DDHD2: variants seen among roughly 807,000 people sequenced by gnomAD.
DDHD2 encodes the protein triacylglycerol hydrolase DDHD2.
A neutral mutation model predicts 91.2 loss-of-function variants in DDHD2; 62 were observed. The observed-to-expected ratio is 0.68, with a 90% CI of 0.55 to 0.84. DDHD2 has a LOEUF of 0.84. Among genes scored for constraint, DDHD2 ranks in the 40% least tolerant of loss-of-function variants. The pLI is 0.00. For missense variants in DDHD2, 740 were observed against 846.9 expected (o/e 0.87, Z 1.57); for synonymous variants, 271 against 293.9 (o/e 0.92, Z 0.80).
intron 1 of DDHD2, chr8:38,267,900 CCTA>C: frequency 6.2e-7 from 1 of 1,613,992 alleles, no homozygotes; most frequent in South Asian, 1.1e-5. Context: ...CACTTACCTC[CCTA>C]CGATCAGTTT....
intron 5 of DDHD2, among the ~76,000 whole-genome samples, chr8:38,239,826 A>G (rs764345634): frequency 8.0e-5 from 12 of 150,628 alleles, no homozygotes; most frequent in Admixed American, 1.3e-4. Flanking sequence ...CCAGGGTTCA[A>G]GTGATTCTTC....
At chr8:38,247,885 G>C (rs781102070) in intron 10 of DDHD2, 50 bp downstream of exon 10, 1 of 1,418,308 alleles carries the variant, frequency 7.1e-7, no homozygotes, top group Non-Finnish European at 9.4e-7. Context: ...CAGTATTTTT[G>C]TTTATCGTGT....
At chr8:38,235,392 C>A (rs112503481) in intron 3 of DDHD2, among the ~76,000 whole-genome samples, 1 of 151,532 alleles carries the variant, frequency 6.6e-6, no homozygotes. Flanking sequence ...TTTTAAAATA[C>A]GATGGAAATG....
rs1563319308 is a variant in DDHD2, at chr8:38,261,343, G to A, written c.*770G>A. 1 of 152,144 alleles carries A rather than the reference G, an allele frequency of 6.6e-6. No homozygotes were observed. 9.4% of individuals were successfully genotyped at this position (152,144 alleles called of 1,614,324 possible). On this transcript the variant is annotated 3_prime_UTR_variant, in exon 18 of 18. Transcript: ENST00000397166. ...GGCCTCCCTTTTATATTTGATAGAA[G>A]TTATTTGCTAATAGCTTCTATTCTT...
At chr8:38,258,080 C>A (rs1806673834) in intron 16 of DDHD2, among the ~76,000 whole-genome samples, 1 of 152,130 alleles carries the variant, frequency 6.6e-6, no homozygotes, top group Non-Finnish European at 1.5e-5. Flanking sequence ...AAGCAATCCT[C>A]TTGCCTTGGC....
chr8:38,248,366 ATTTG>A (rs1805816832), intron 10 of DDHD2, among the ~76,000 whole-genome samples: 1 of 124,366 alleles, frequency 8.0e-6, no homozygotes, highest in Non-Finnish European at 1.7e-5. Flanking sequence ...CAGCCAGCTG[ATTTG>A]TTTTTTTTTT....
At position 38,255,330 on chromosome 8, in the gene DDHD2, G is replaced by A. The variant is rs377148258; in HGVS notation, c.2054+1612G>A. Reference sequence around the variant, plus strand: ...TACAGTAGAGGCCAAAAGCAATCTTGTAAGGGGCTAAAATAATGCTAAGAA... The same window carrying A: ...TACAGTAGAGGCCAAAAGCAATCTTATAAGGGGCTAAAATAATGCTAAGAA... On this transcript the variant is annotated intron_variant, in intron 16 of 17. Coordinates refer to ENST00000397166, the MANE Select transcript of DDHD2 (RefSeq NM_015214.3). 1.5e-4 allele frequency: 75 copies of A among 510,440 alleles called. 2 individuals are homozygous for A. The highest frequency in any genetic ancestry group is 1.3e-3 in the African/African-American group (69 of 51,488). 31.6% of individuals were successfully genotyped at this position (510,440 alleles called of 1,614,324 possible). A position where few individuals can be genotyped will look rare whatever the true frequency, so the allele number is the denominator to read the frequency against.
In DDHD2 at chr8:38,247,802, CTT is replaced by C; in HGVS notation, c.1217_1218del (p.Phe406Ter). 3 of 1,582,290 alleles carry C rather than the reference CTT, an allele frequency of 1.9e-6. No homozygotes were observed. Among genetic ancestry groups the C allele is most frequent in the Non-Finnish European group, 2.6e-6 (3 of 1,166,790 alleles). On this transcript the variant is annotated frameshift_variant, in exon 10 of 18. Coordinates refer to ENST00000397166, the MANE Select transcript of DDHD2 (RefSeq NM_015214.3). LOFTEE classifies it high-confidence loss of function. ...TTCAGCTCTCTGAATTCTTTGATAT[CTT>C]TGAGAAGGAGAAAGTAGATAAGGAA... ...KLQLSEFFDI[F>X]EKEKVDKEAL...
intron 16 of DDHD2, among the ~76,000 whole-genome samples, chr8:38,257,227 C>T (rs1373918343): frequency 9.6e-5 from 13 of 135,608 alleles, no homozygotes; most frequent in African/African-American, 3.3e-4. Context: ...GCCACCATAT[C>T]TGGCCAACAA....
chr8:38,268,877 C>T (rs763388653), intron 1 of DDHD2: 8 of 1,549,362 alleles, frequency 5.2e-6, no homozygotes, highest in Non-Finnish European at 6.9e-6. Context: ...TCTTTCTCCA[C>T]GCACAAACAT....
At chr8:38,232,920 T>G (rs1479209583) in intron 1 of DDHD2, 67 bp from the exon 2 acceptor site, 5 of 1,039,212 alleles carry the variant, frequency 4.8e-6, no homozygotes, top group East Asian at 2.5e-5. Context: ...ATTAGTTTTG[T>G]GCGTGTGTGT....
rs1805098436 is a variant in DDHD2, at chr8:38,239,740, G to GGTTTTTTTTTTGTTT, written c.623-534_623-533insTTTTTTTTTTGTTTG. On this transcript the variant is annotated intron_variant, in intron 5 of 17. Transcript: ENST00000397166. ...AAAAAAAAAAAGAGTTTTTTTTTTT[G>GGTTTTTTTTTTGTTT]GAGACAGAGTCTTGCTCTGTCACCC... Among the ~76,000 whole-genome samples the GGTTTTTTTTTTGTTT allele has an allele frequency of 4.4e-5, 5 of 113,250 alleles. No individual in the cohort carries two copies. The South Asian group carries it at 1.5e-3, about 34-fold the overall frequency. 74.3% of individuals were successfully genotyped at this position (113,250 alleles called of 152,430 possible).
Position 38,252,287 on chromosome 8 carries a change from T to G in DDHD2, c.1617T>G (p.Pro539=), listed in dbSNP as rs1188529560. The change falls in exon 13 of 18, where the codon CCT becomes CCG. Residue 539 remains proline, a splice_region_variant and synonymous_variant. Coordinates refer to ENST00000397166, the MANE Select transcript of DDHD2 (RefSeq NM_015214.3). ...TCKGFFNIYH[P]FDPVAYRIEP... ...AAGGTTTCTTCAATATTTATCACCCTGTAAGCATTGTACAGCTATTGTGGT... is the reference window on the plus strand; with the variant it reads ...AAGGTTTCTTCAATATTTATCACCCGGTAAGCATTGTACAGCTATTGTGGT... 1 of 1,610,410 alleles carries G rather than the reference T, an allele frequency of 6.2e-7. No homozygotes were observed. Among genetic ancestry groups the G allele is most frequent in the Non-Finnish European group, 8.5e-7 (1 of 1,178,694 alleles).
intron 5 of DDHD2, chr8:38,238,429 A>G: frequency 7.8e-7 from 1 of 1,281,844 alleles, no homozygotes; most frequent in South Asian, 1.6e-5. Flanking sequence ...AAAATTTGGC[A>G]ATACTATCCA....
intron 14 of DDHD2, 30 bp from the exon 15 acceptor site, chr8:38,252,927 C>T (rs1247741409): frequency 2.5e-6 from 4 of 1,612,040 alleles, no homozygotes; most frequent in East Asian, 4.5e-5. Context: ...CTTTGTAAAT[C>T]ATTTAATGTT....
At chr8:38,239,517 C>T (rs1374985608) in intron 5 of DDHD2, among the ~76,000 whole-genome samples, 1 of 150,574 alleles carries the variant, frequency 6.6e-6, no homozygotes, top group East Asian at 2.0e-4. Context: ...AACACCCTGT[C>T]TCTACTAAAA....
chr8:38,235,481 G>T (rs1051177774), intron 3 of DDHD2, among the ~76,000 whole-genome samples: 1 of 151,904 alleles, frequency 6.6e-6, no homozygotes, highest in Non-Finnish European at 1.5e-5. Context: ...CAGCAGTTTG[G>T]GGGGCTGAGG....
At position 38,242,284 on chromosome 8, in the gene DDHD2, A is replaced by G; in HGVS notation, c.747A>G (p.Leu249=). 2 of 1,601,844 alleles carry G rather than the reference A, an allele frequency of 1.2e-6. No homozygotes were observed. Among genetic ancestry groups the G allele is most frequent in the Non-Finnish European group, 1.7e-6 (2 of 1,177,100 alleles). The change falls in exon 7 of 18, where the codon CTA becomes CTG. Residue 249 remains leucine, a synonymous_variant. Transcript: ENST00000397166. ...NDFRSVSLNL[L]QTHFKKAQEN... ...TTCGCAGTGTTTCCTTGAACTTGCTACAGACACATTTTAAGAAAGCCCAAG... is the reference window on the plus strand; with the variant it reads ...TTCGCAGTGTTTCCTTGAACTTGCTGCAGACACATTTTAAGAAAGCCCAAG...
rs1807043735 is a variant in DDHD2 at position 38,261,706 on chromosome 8, C to T, written c.*1133C>T. 1 of 152,174 alleles carries T rather than the reference C, an allele frequency of 6.6e-6. No homozygotes were observed. The highest frequency in any genetic ancestry group is 2.1e-4 in the South Asian group (1 of 4,824). The allele number at this position is 152,174 out of a possible 1,614,324, so 9.4% of individuals were successfully genotyped here. A position where few individuals can be genotyped will look rare whatever the true frequency, so the allele number is the denominator to read the frequency against. ...GAGTCAGTGTCAGCTGAGTCTGGAA[C>T]ATATGAAGTGAGGTTTACTTCTAAG... On this transcript the variant is annotated 3_prime_UTR_variant, in exon 18 of 18. Transcript: ENST00000397166.
Sources: allele counts gnomAD v4.1 joint callset (sites outside exome capture counted in the v4.1 genomes callset), GRCh38; gene constraint gnomAD v4.1.1; transcripts MANE v1.5; gene names NCBI Gene and HGNC (gene_info 2026-07-23, HGNC 2026-07-21).